MIPOL1: variants seen among roughly 807,000 people sequenced by gnomAD.
MIPOL1 encodes mirror-image polydactyly 1, also known as mirror-image polydactyly gene 1 protein.
MIPOL1 carries 57 observed loss-of-function variants against 60.9 expected under a neutral mutation model. The ratio of observed to expected loss-of-function variants is 0.94; its 90% CI spans 0.76 to 1.17. MIPOL1 has a LOEUF of 1.17. MIPOL1 is among the 50% of genes most tolerant of loss of function. The probability of loss-of-function intolerance (pLI) is 0.00; values close to 1 mark genes in which losing one functional copy is unlikely to be tolerated. For synonymous variants in MIPOL1, 179 were observed against 168.8 expected, an observed-to-expected ratio of 1.06 and a Z score of -0.47; for missense variants, 551 against 511.6, an observed-to-expected ratio of 1.08 and a Z score of -0.74.
intron 12 of MIPOL1, among the ~76,000 whole-genome samples, chr14:37,541,120 T>C (rs1047526121): frequency 6.6e-6 from 1 of 152,182 alleles, no homozygotes; most frequent in Non-Finnish European, 1.5e-5. Context: ...TCACTTCAGC[T>C]ACTCACTCTG....
chr14:37,360,823 T>G (rs938268889), intron 9 of MIPOL1, among the ~76,000 whole-genome samples: 1 of 152,230 alleles, frequency 6.6e-6, no homozygotes, highest in African/African-American at 2.4e-5. Flanking sequence ...TTTCTTTCAG[T>G]TCTGCTCTGA....
At chr14:37,322,204 A>G (rs74045607) in intron 9 of MIPOL1, among the ~76,000 whole-genome samples, 1 of 152,102 alleles carries the variant, frequency 6.6e-6, no homozygotes, top group African/African-American at 2.4e-5. Flanking sequence ...TTTAAAAGTT[A>G]TGCACATTGA....
chr14:37,390,038 A>G (rs1039938456), intron 10 of MIPOL1, among the ~76,000 whole-genome samples: 6 of 151,820 alleles, frequency 4.0e-5, no homozygotes, highest in African/African-American at 9.7e-5. Context: ...TGTCTCTACT[A>G]CAAAAATATA....
intron 10 of MIPOL1, among the ~76,000 whole-genome samples, chr14:37,414,856 G>A (rs958470713): frequency 1.3e-5 from 2 of 152,092 alleles, no homozygotes; most frequent in African/African-American, 4.8e-5. Context: ...ACTGAGAATA[G>A]TGTCTTAAAA....
chr14:37,313,128 C>G (rs1045535812), intron 9 of MIPOL1, among the ~76,000 whole-genome samples: 1 of 104,430 alleles, frequency 9.6e-6, no homozygotes, highest in Admixed American at 9.8e-5. Context: ...GGTCTCAGAA[C>G]ATTTGACAAA....
chr14:37,254,624 T>C (rs1863901596), intron 3 of MIPOL1, among the ~76,000 whole-genome samples: 1 of 151,804 alleles, frequency 6.6e-6, no homozygotes, highest in African/African-American at 2.4e-5. Flanking sequence ...AACTAATCCA[T>C]AAATTCTTAG....
intron 9 of MIPOL1, among the ~76,000 whole-genome samples, chr14:37,360,933 T>C (rs12586432): frequency 0.99 from 151,296 of 152,332 alleles, 75,142 homozygotes; most frequent in Middle Eastern, 1. Flanking sequence ...TTAGATCTTT[T>C]CTGCTTTCTC....
chr14:37,306,631 G>A (rs1292205717), intron 7 of MIPOL1, among the ~76,000 whole-genome samples: 1 of 151,618 alleles, frequency 6.6e-6, no homozygotes, highest in Non-Finnish European at 1.5e-5. Context: ...ATCGTATTTA[G>A]CCAACCAATT....
rs142288826 is a variant in MIPOL1 at position 37,494,069 on chromosome 14, A to G, written c.1032-5839A>G. On this transcript the variant is annotated intron_variant, in intron 11 of 12. Transcript: ENST00000684589. ...AGACCATTCTGAGGAAGAAGTACTA[A>G]AGCAAAAATTGTGCTTCAGTGGTTA... is the stretch of plus-strand genomic sequence containing the variant. 2.8e-3 allele frequency among the ~76,000 whole-genome samples: 428 copies of G among 152,304 alleles called. 2 individuals are homozygous for G. Among genetic ancestry groups the G allele is most frequent in the African/African-American group, 9.9e-3 (411 of 41,574 alleles).
intron 12 of MIPOL1, among the ~76,000 whole-genome samples, chr14:37,521,896 ATATAT>A (rs2095415763): frequency 3.0e-5 from 1 of 33,748 alleles, no homozygotes; most frequent in Admixed American, 4.0e-4. Flanking sequence ...AAAAAAAAAT[ATATAT>A]ATATATATAT....
rs1451737772 is a variant in MIPOL1 at position 37,549,659 on chromosome 14, A to C, written c.*2688A>C. 6.6e-6 allele frequency: 1 copy of C among 151,964 alleles called. No individual in the cohort carries two copies. Among genetic ancestry groups the C allele is most frequent in the African/African-American group, 2.4e-5 (1 of 41,446 alleles). 9.4% of individuals were successfully genotyped at this position (151,964 alleles called of 1,614,324 possible). On this transcript the variant is annotated 3_prime_UTR_variant, in exon 13 of 13. Coordinates refer to ENST00000684589, the MANE Select transcript of MIPOL1 (RefSeq NM_001388067.1). ...GTTGTGATAGTACCATCTCTTTCACATACTACATACAAATTCCCTAATAAT... is the reference window on the plus strand; with the variant it reads ...GTTGTGATAGTACCATCTCTTTCACCTACTACATACAAATTCCCTAATAAT...
intron 12 of MIPOL1, chr14:37,507,282 T>A (rs2095286155): frequency 6.6e-6 from 1 of 152,078 alleles, no homozygotes; most frequent in South Asian, 2.1e-4. Context: ...TATAAATCAT[T>A]TTATGATAAA....
At chr14:37,371,819 A>C (rs1184630121) in intron 10 of MIPOL1, among the ~76,000 whole-genome samples, 1 of 151,926 alleles carries the variant, frequency 6.6e-6, no homozygotes, top group Non-Finnish European at 1.5e-5. Context: ...TTTGTTTTTT[A>C]TTTGATGCAT....
chr14:37,342,942 G>T (rs1048939520), intron 9 of MIPOL1, among the ~76,000 whole-genome samples: 2 of 149,016 alleles, frequency 1.3e-5, no homozygotes, highest in Non-Finnish European at 1.5e-5. Flanking sequence ...TAAATCTCTA[G>T]TTATTTATTT....
chr14:37,400,385 T>C (rs2153529205), intron 10 of MIPOL1: 1 of 152,222 alleles, frequency 6.6e-6, no homozygotes, highest in Middle Eastern at 3.4e-3. Context: ...ACAGTGAAAT[T>C]GAGTTTATTT....
At chr14:37,337,598 G>A (rs957859352) in intron 9 of MIPOL1, among the ~76,000 whole-genome samples, 3 of 151,280 alleles carry the variant, frequency 2.0e-5, no homozygotes, top group Admixed American at 6.6e-5. Flanking sequence ...TCGAATTCCT[G>A]ACCTCGTGAT....
intron 11 of MIPOL1, among the ~76,000 whole-genome samples, chr14:37,439,080 G>T (rs1330307875): frequency 6.6e-6 from 1 of 152,310 alleles, no homozygotes; most frequent in African/African-American, 2.4e-5. Flanking sequence ...CAGAGGATAA[G>T]ATGCAATTGC....
intron 12 of MIPOL1, among the ~76,000 whole-genome samples, chr14:37,523,165 T>C (rs1157950216): frequency 6.6e-6 from 1 of 152,178 alleles, no homozygotes; most frequent in African/African-American, 2.4e-5. Flanking sequence ...TCATTACTCA[T>C]TAGAATTTGG....
intron 9 of MIPOL1, among the ~76,000 whole-genome samples, chr14:37,366,876 T>C (rs993639174): frequency 6.6e-6 from 1 of 152,112 alleles, no homozygotes; most frequent in Non-Finnish European, 1.5e-5. Context: ...ATCCTCTTGC[T>C]GAATTGACCA....
Sources: gnomAD v4.1 joint callset for allele counts (sites outside exome capture counted in the v4.1 genomes callset) on GRCh38, gnomAD v4.1.1 for gene constraint, MANE v1.5 for transcripts, NCBI Gene and HGNC (gene_info 2026-07-23, HGNC 2026-07-21) for gene names.